Variants in PPFIA1 observed in about 807,000 individuals in gnomAD.
The protein encoded by PPFIA1 is PPFI scaffold protein A1.
PPFIA1 carries 25 observed loss-of-function variants against 149.9 expected under a neutral mutation model. The observed-to-expected ratio is 0.17, with a 90% CI of 0.12 to 0.23. PPFIA1 has a LOEUF of 0.23. Ranked by LOEUF, PPFIA1 falls within the 10% of genes least tolerant of loss-of-function variation. PPFIA1 has a pLI of 1.00. For missense variants in PPFIA1, 1,362 were observed against 1,506.5 expected (o/e 0.90, Z 1.59); for synonymous variants, 549 against 552.8 (o/e 0.99, Z 0.10).
At chr11:70,277,631 T>C (rs1788973) in intron 2 of PPFIA1, among the ~76,000 whole-genome samples, 66,645 of 151,886 alleles carry the variant, frequency 0.44, 16,276 homozygotes, top group African/African-American at 0.65. Context: ...GCTGGGACTA[T>C]AGGCATATGC....
At chr11:70,337,288 T>C (rs2055040622) in intron 11 of PPFIA1, 77 bp from the exon 12 acceptor site, 1 of 1,028,254 alleles carries the variant, frequency 9.7e-7, no homozygotes. Flanking sequence ...CCTTTTTTTT[T>C]TTAAACGAAT....
chr11:70,286,984 T>TACACACACACAC (rs57213147), intron 2 of PPFIA1, among the ~76,000 whole-genome samples: 49 of 148,102 alleles, frequency 3.3e-4, no homozygotes, highest in African/African-American at 1.1e-3. Flanking sequence ...TATATGCACA[T>TACACACACACAC]ACACACACAC....
chr11:70,339,748 C>T (rs2055199578), intron 14 of PPFIA1, among the ~76,000 whole-genome samples: 1 of 151,926 alleles, frequency 6.6e-6, no homozygotes, highest in Admixed American at 6.6e-5. Context: ...GTGCAGGTAG[C>T]TCACGCCTAT....
intron 13 of PPFIA1, 59 bp downstream of exon 13, chr11:70,338,512 G>T: frequency 1.4e-6 from 2 of 1,406,908 alleles, no homozygotes; most frequent in African/African-American, 1.4e-5. Flanking sequence ...CCAGTTCTTG[G>T]CTATGTGGGC....
intron 7 of PPFIA1, chr11:70,327,085 A>G (rs902013371): frequency 2.4e-6 from 1 of 413,788 alleles, no homozygotes; most frequent in Non-Finnish European, 4.4e-6. Context: ...TGGACGCCAC[A>G]CTGGCCTCTC....
chr11:70,339,875 G>A (rs1225785202), intron 14 of PPFIA1, among the ~76,000 whole-genome samples: 1 of 152,044 alleles, frequency 6.6e-6, no homozygotes, highest in Non-Finnish European at 1.5e-5. Flanking sequence ...AATTAGCTCG[G>A]CACAGTGGCA....
At chr11:70,297,263 T>C (rs1380048531) in intron 2 of PPFIA1, among the ~76,000 whole-genome samples, 1 of 151,842 alleles carries the variant, frequency 6.6e-6, no homozygotes, top group East Asian at 1.9e-4. Context: ...CAAAAAGTTA[T>C]TTGGGCGTGG....
At chr11:70,313,947 A>C (rs147126897) in intron 2 of PPFIA1, among the ~76,000 whole-genome samples, 39 of 152,270 alleles carry the variant, frequency 2.6e-4, no homozygotes, top group African/African-American at 9.4e-4. Context: ...GAGCCTAGGA[A>C]GTCAAGGTTT....
At chr11:70,334,169 C>T (rs927873072) in intron 10 of PPFIA1, among the ~76,000 whole-genome samples, 1 of 152,022 alleles carries the variant, frequency 6.6e-6, no homozygotes, top group Non-Finnish European at 1.5e-5. Flanking sequence ...ATGGAACATC[C>T]AGGAAAAAGA....
At chr11:70,345,534 C>CT (rs1370135059) in intron 15 of PPFIA1, among the ~76,000 whole-genome samples, 4 of 152,136 alleles carry the variant, frequency 2.6e-5, no homozygotes, top group South Asian at 4.1e-4. Flanking sequence ...AGCCTTTGGG[C>CT]TGAACAGCTG....
chr11:70,293,483 A>G (rs76703450), intron 2 of PPFIA1, among the ~76,000 whole-genome samples: 1,964 of 152,338 alleles, frequency 0.013, 17 homozygotes, highest in Non-Finnish European at 0.02. Context: ...AGAAGCAAAT[A>G]AAACCAATGG....
intron 16 of PPFIA1, among the ~76,000 whole-genome samples, chr11:70,353,369 A>G (rs1231905052): frequency 6.6e-6 from 1 of 152,226 alleles, no homozygotes; most frequent in Non-Finnish European, 1.5e-5. Flanking sequence ...TCACAGCAAG[A>G]ACCTGGCTCT....
chr11:70,339,371 G>C, intron 14 of PPFIA1, 65 bp downstream of exon 14: 5 of 1,548,106 alleles, frequency 3.2e-6, no homozygotes, highest in Non-Finnish European at 3.5e-6. Context: ...GTGGCTTTCA[G>C]ACTACTTTGG....
chr11:70,291,724 C>T (rs1022976141), intron 2 of PPFIA1, among the ~76,000 whole-genome samples: 10 of 152,012 alleles, frequency 6.6e-5, no homozygotes, highest in East Asian at 1.9e-4. Context: ...GTCTGGAGTG[C>T]GGTGGCATGG....
chr11:70,293,539 C>G (rs1028141293), intron 2 of PPFIA1, among the ~76,000 whole-genome samples: 2 of 152,182 alleles, frequency 1.3e-5, no homozygotes, highest in African/African-American at 2.4e-5. Context: ...GTCCCCTACC[C>G]CACTGCCTTT....
chr11:70,310,669 C>T (rs2053205308), intron 2 of PPFIA1, among the ~76,000 whole-genome samples: 1 of 152,176 alleles, frequency 6.6e-6, no homozygotes, highest in South Asian at 2.1e-4. Flanking sequence ...CAGGCGTGAG[C>T]CACCACACCC....
At chr11:70,310,385 CTT>C (rs754099737) in intron 2 of PPFIA1, among the ~76,000 whole-genome samples, 16,793 of 131,792 alleles carry the variant, frequency 0.13, 965 homozygotes, top group Admixed American at 0.18. Flanking sequence ...CATCCATGTA[CTT>C]TTTTTTTTTT....
At chr11:70,337,477 A>G (rs756471837) in intron 12 of PPFIA1, 50 bp downstream of exon 12, 35 of 1,376,582 alleles carry the variant, frequency 2.5e-5, no homozygotes, top group Non-Finnish European at 2.5e-5. Flanking sequence ...AACTGAGTTG[A>G]TGATGATGAT....
chr11:70,310,198 T>G (rs984628739), intron 2 of PPFIA1, among the ~76,000 whole-genome samples: 19 of 152,078 alleles, frequency 1.2e-4, no homozygotes, highest in African/African-American at 4.6e-4. Context: ...TTATAAATTG[T>G]GTTTATTATA....
Sources: gnomAD v4.1 joint callset for allele counts (sites outside exome capture counted in the v4.1 genomes callset) on GRCh38, gnomAD v4.1.1 for gene constraint, MANE v1.5 for transcripts, NCBI Gene and HGNC (gene_info 2026-07-23, HGNC 2026-07-21) for gene names.